The following CADPS2 variants were observed in gnomAD, a reference collection of about 807,000 sequenced individuals.
The protein encoded by CADPS2 is calcium-dependent secretion activator 2.
A neutral mutation model predicts 172.5 loss-of-function variants in CADPS2; 93 were observed. The observed-to-expected ratio is 0.54, with a 90% confidence interval of 0.46 to 0.64. The LOEUF (loss-of-function observed/expected upper bound fraction) is 0.64, where lower values mean the gene tolerates loss of function less well. CADPS2 is among the 30% of genes least tolerant of loss of function. The pLI is 0.00. For missense variants in CADPS2, 1,420 were observed against 1,565.9 expected (o/e 0.91, Z 1.57); for synonymous variants, 546 against 555.2 (o/e 0.98, Z 0.23).
intron 6 of CADPS2, among the ~76,000 whole-genome samples, chr7:122,598,240 T>A (rs2072185208): frequency 6.6e-6 from 1 of 152,010 alleles, no homozygotes; most frequent in African/African-American, 2.4e-5. Flanking sequence ...TACAAAGATT[T>A]TTTTTTTGAA....
chr7:122,821,600 G>C (rs1051250699), intron 1 of CADPS2, among the ~76,000 whole-genome samples: 34 of 152,174 alleles, frequency 2.2e-4, no homozygotes, highest in African/African-American at 5.3e-4. Context: ...CATTTCTTCC[G>C]TTCTGTCAGA....
chr7:122,830,459 T>C (rs1806208176), intron 1 of CADPS2, among the ~76,000 whole-genome samples: 1 of 150,434 alleles, frequency 6.6e-6, no homozygotes, highest in African/African-American at 2.4e-5. Flanking sequence ...AGAAGTGAAA[T>C]ACTCCTGAAT....
chr7:122,793,495 T>C (rs1284617756), intron 1 of CADPS2, among the ~76,000 whole-genome samples: 2 of 152,220 alleles, frequency 1.3e-5, no homozygotes, highest in African/African-American at 4.8e-5. Flanking sequence ...TTTTTCTCCA[T>C]CCTTTTATTT....
At chr7:122,722,533 A>G (rs925714645) in intron 2 of CADPS2, among the ~76,000 whole-genome samples, 2 of 151,824 alleles carry the variant, frequency 1.3e-5, no homozygotes, top group Admixed American at 1.3e-4. Context: ...CTGCTCAACG[A>G]AATAAAAAAG....
chr7:122,503,232 C>T (rs780451619), intron 9 of CADPS2, among the ~76,000 whole-genome samples: 15 of 151,898 alleles, frequency 9.9e-5, no homozygotes, highest in South Asian at 2.1e-4. Context: ...GATGGGGTTT[C>T]GCCATGCTGG....
intron 17 of CADPS2, among the ~76,000 whole-genome samples, chr7:122,418,211 T>C (rs1194878780): frequency 6.6e-6 from 1 of 152,106 alleles, no homozygotes; most frequent in Non-Finnish European, 1.5e-5. Context: ...GAGCCAATTA[T>C]GTGTCAGGCA....
intron 1 of CADPS2, among the ~76,000 whole-genome samples, chr7:122,770,973 T>C (rs971979012): frequency 5.3e-5 from 8 of 152,184 alleles, no homozygotes; most frequent in African/African-American, 1.9e-4. Flanking sequence ...ATATACTCAG[T>C]GACTGGAGGC....
intron 2 of CADPS2, among the ~76,000 whole-genome samples, chr7:122,717,378 C>T (rs1047857874): frequency 6.6e-6 from 1 of 152,030 alleles, no homozygotes; most frequent in Non-Finnish European, 1.5e-5. Flanking sequence ...ATAATTATTC[C>T]TGCATTTTTC....
At chr7:122,751,150 C>T (rs1481959170) in intron 1 of CADPS2, among the ~76,000 whole-genome samples, 2 of 152,022 alleles carry the variant, frequency 1.3e-5, no homozygotes, top group Non-Finnish European at 2.9e-5. Flanking sequence ...CTCTTTGTTA[C>T]TGTTTTTTGG....
At chr7:122,405,973 G>A (rs1012392730) in intron 20 of CADPS2, among the ~76,000 whole-genome samples, 1 of 152,156 alleles carries the variant, frequency 6.6e-6, no homozygotes, top group African/African-American at 2.4e-5. Context: ...AGTTTGGAGA[G>A]GTTAAGCTAT....
At chr7:122,516,104 A>G (rs2060355319) in intron 8 of CADPS2, among the ~76,000 whole-genome samples, 1 of 152,160 alleles carries the variant, frequency 6.6e-6, no homozygotes, top group Non-Finnish European at 1.5e-5. Context: ...TATAAGGAAC[A>G]GAATAAAAGA....
intron 3 of CADPS2, among the ~76,000 whole-genome samples, chr7:122,656,833 T>C (rs1000188534): frequency 6.6e-6 from 1 of 152,244 alleles, no homozygotes; most frequent in African/African-American, 2.4e-5. Context: ...TTTGTCAATT[T>C]TGGCTTTTGA....
At chr7:122,665,883 C>A (rs939502929) in intron 2 of CADPS2, among the ~76,000 whole-genome samples, 3 of 152,236 alleles carry the variant, frequency 2.0e-5, no homozygotes, top group East Asian at 1.9e-4. Flanking sequence ...TTTAAGGCAA[C>A]ACAAATTAAT....
chr7:122,375,846 T>C (rs1264928554), intron 25 of CADPS2, among the ~76,000 whole-genome samples: 2 of 151,818 alleles, frequency 1.3e-5, no homozygotes, highest in South Asian at 2.1e-4. Flanking sequence ...GGAGGAAATG[T>C]TTACAAACTA....
chr7:122,515,321 C>T (rs1410777095), intron 8 of CADPS2, among the ~76,000 whole-genome samples: 1 of 152,044 alleles, frequency 6.6e-6, no homozygotes, highest in South Asian at 2.1e-4. Flanking sequence ...ACCCTTTGCT[C>T]CACCTTTGCT....
intron 11 of CADPS2, among the ~76,000 whole-genome samples, chr7:122,488,612 C>G (rs1313091962): frequency 6.6e-6 from 1 of 152,196 alleles, no homozygotes; most frequent in Non-Finnish European, 1.5e-5. Flanking sequence ...TGACAGAAGT[C>G]ATGCCTAAGC....
In CADPS2 at chr7:122,681,359, C is replaced by T. The variant is rs140810730; in HGVS notation, c.454-17790G>A. The T allele has an allele frequency of 1.2e-3, 1,758 of 1,472,950 alleles. 20 individuals carry two copies. The African/African-American group carries it at 0.021, about 18-fold the overall frequency. The allele number at this position is 1,472,950 out of a possible 1,614,324, so 91.2% of individuals were successfully genotyped here. ...ACAATGGTCGTGCCAAAAAGGGCCG[C>T]GGCCACGTGCAACCTGTTCGCTGTA... is the stretch of plus-strand genomic sequence containing the variant. On this transcript the variant is annotated intron_variant, in intron 2 of 29. Coordinates refer to ENST00000449022, the MANE Select transcript of CADPS2 (RefSeq NM_017954.11).
chr7:122,517,301 T>C (rs978017326), intron 8 of CADPS2, among the ~76,000 whole-genome samples: 4 of 152,074 alleles, frequency 2.6e-5, no homozygotes, highest in South Asian at 2.1e-4. Context: ...TATTCACTAG[T>C]TGGTGGACAT....
At chr7:122,517,720 T>C (rs1409335245) in intron 8 of CADPS2, among the ~76,000 whole-genome samples, 1 of 151,938 alleles carries the variant, frequency 6.6e-6, no homozygotes, top group African/African-American at 2.4e-5. Context: ...CTTAAATGGG[T>C]TTTCTAGTTT....
Sources: allele counts gnomAD v4.1 joint callset (sites outside exome capture counted in the v4.1 genomes callset), GRCh38; gene constraint gnomAD v4.1.1; transcripts MANE v1.5; gene names NCBI Gene and HGNC (gene_info 2026-07-23, HGNC 2026-07-21).